Variants in MTMR2 observed in about 807,000 individuals in gnomAD.
The protein encoded by MTMR2 is myotubularin related protein 2, also known as phosphatidylinositol-3,5-bisphosphate 3-phosphatase MTMR2.
In MTMR2, 55 loss-of-function variants were observed where a neutral mutation model predicts 86.9. The ratio of observed to expected loss-of-function variants is 0.63; its 90% CI spans 0.51 to 0.79. The LOEUF is 0.79. Ranked by LOEUF, MTMR2 falls within the 30% of genes least tolerant of loss-of-function variation. The pLI is 0.00. For missense variants in MTMR2, 659 were observed against 772.3 expected, an observed-to-expected ratio of 0.85 and a Z score of 1.74; for synonymous variants, 241 against 266.8, an observed-to-expected ratio of 0.90 and a Z score of 0.94.
intron 2 of MTMR2, among the ~76,000 whole-genome samples, chr11:95,886,653 G>A (rs1865522214): frequency 6.6e-6 from 1 of 152,112 alleles, no homozygotes; most frequent in African/African-American, 2.4e-5. Context: ...GTAGGATATA[G>A]GCATAAGCAA....
intron 2 of MTMR2, among the ~76,000 whole-genome samples, chr11:95,876,395 A>G (rs183612421): frequency 2.6e-5 from 4 of 152,314 alleles, no homozygotes; most frequent in African/African-American, 4.8e-5. Context: ...ATGAGGGAAG[A>G]AAATTCACTC....
At chr11:95,861,522 C>T (rs559268122) in intron 5 of MTMR2, among the ~76,000 whole-genome samples, 1 of 151,756 alleles carries the variant, frequency 6.6e-6, no homozygotes, top group Non-Finnish European at 1.5e-5. Flanking sequence ...CTCCCAGGTT[C>T]AAGCAATTCT....
chr11:95,923,859 T>C lies in MTMR2; in HGVS notation c.80+16A>G. 1.3e-6 allele frequency: 2 copies of C among 1,537,450 alleles called. No individual in the cohort carries two copies. Among genetic ancestry groups the C allele is most frequent in the Non-Finnish European group, 1.8e-6 (2 of 1,137,730 alleles). On this transcript the variant is annotated intron_variant, in intron 1 of 14. Transcript: ENST00000346299. The stretch of plus-strand genomic sequence containing the variant: ...CCCCTTCGGACGCTGGGCGGGGCCC[T>C]GGGCGTCCTGGTTACCTGGACAAGG...
At chr11:95,888,078 A>G (rs1316022834) in intron 2 of MTMR2, 78 bp downstream of exon 2, 3 of 1,079,480 alleles carry the variant, frequency 2.8e-6, no homozygotes, top group Non-Finnish European at 4.2e-6. Flanking sequence ...TCTCCTGCTA[A>G]ATTAGTTATA....
At position 95,910,127 on chromosome 11, in the gene MTMR2, G is replaced by GCACACACA. The variant is rs71040121; in HGVS notation, c.80+13740_80+13747dup. Among the ~76,000 whole-genome samples the GCACACACA allele has an allele frequency of 2.0e-3, 299 of 147,256 alleles. 6 individuals are homozygous for GCACACACA. Among genetic ancestry groups the GCACACACA allele is most frequent in the Non-Finnish European group, 2.3e-3 (151 of 66,868 alleles). On this transcript the variant is annotated intron_variant, in intron 1 of 14. Transcript: ENST00000346299. ...CACACACACACACGCACGCATGCAC[G>GCACACACA]CACACACACACACACACACACCCTA...
In MTMR2 at chr11:95,924,040, CG is replaced by C; in HGVS notation, c.-87del. The C allele has an allele frequency of 1.3e-6, 2 of 1,515,134 alleles. No homozygotes were observed. Among genetic ancestry groups the C allele is most frequent in the Non-Finnish European group, 1.8e-6 (2 of 1,116,350 alleles). 93.9% of individuals were successfully genotyped at this position (1,515,134 alleles called of 1,614,324 possible). ...AAGCGGAGGGCGGAGTGCTACGGAC[CG>C]GGGCCGCAGTCAGGCCAGCGCCGGC... On this transcript the variant is annotated 5_prime_UTR_variant, in exon 1 of 15. Coordinates refer to ENST00000346299, the MANE Select transcript of MTMR2 (RefSeq NM_016156.6).
chr11:95,872,183 T>C lies in MTMR2; in HGVS notation c.187-6507A>G, dbSNP rs1028350492. On this transcript the variant is annotated intron_variant, in intron 2 of 14. Transcript: ENST00000346299. ...AAAGTCATTGGCAGCTTGATGGGGA[T>C]GGCATTGAATCTATAAATTACCTTG... 4.6e-4 allele frequency among the ~76,000 whole-genome samples: 70 copies of C among 152,220 alleles called. 1 individual carries two copies. The highest frequency in any genetic ancestry group is 1.6e-3 in the African/African-American group (68 of 41,454).
intron 1 of MTMR2, among the ~76,000 whole-genome samples, chr11:95,911,956 T>C (rs1288306964): frequency 6.6e-6 from 1 of 152,168 alleles, no homozygotes; most frequent in Non-Finnish European, 1.5e-5. Context: ...TCCAGATAGA[T>C]ATATTTTGTT....
At position 95,849,743 on chromosome 11, in the gene MTMR2, A is replaced by G. The variant is rs1332394042; in HGVS notation, c.924T>C (p.Asp308=). Residue 308 remains aspartate, a synonymous_variant, in exon 9 of 15, where the codon GAT becomes GAC. Coordinates refer to ENST00000346299, the MANE Select transcript of MTMR2 (RefSeq NM_016156.6). ...AGATTTTGTGAGACTGGGCATTGGA[A>G]TCCATGATAGCTTGAAGGTATTTTT... ...EDEKYLQAIM[D]SNAQSHKIFI... is the part of the protein sequence containing the mutation. The G allele has an allele frequency of 1.2e-6, 2 of 1,614,120 alleles. No homozygotes were observed. Among genetic ancestry groups the G allele is most frequent in the African/African-American group, 2.7e-5 (2 of 75,054 alleles).
At chr11:95,923,126 A>G (rs1311856572) in intron 1 of MTMR2, among the ~76,000 whole-genome samples, 1 of 152,214 alleles carries the variant, frequency 6.6e-6, no homozygotes, top group Non-Finnish European at 1.5e-5. Flanking sequence ...AAAGCTGCAT[A>G]AAGTCCTCCT....
intron 1 of MTMR2, among the ~76,000 whole-genome samples, chr11:95,908,146 T>C (rs1008992271): frequency 6.6e-6 from 1 of 151,140 alleles, no homozygotes; most frequent in African/African-American, 2.4e-5. Context: ...TTCAGCAAAG[T>C]TTCAGGATAC....
chr11:95,893,847 T>C (rs1291081319), intron 1 of MTMR2, among the ~76,000 whole-genome samples: 2 of 152,198 alleles, frequency 1.3e-5, no homozygotes, highest in Non-Finnish European at 2.9e-5. Flanking sequence ...TCTGGACTAG[T>C]GCAAATAACT....
intron 1 of MTMR2, among the ~76,000 whole-genome samples, chr11:95,906,703 G>A (rs1232871354): frequency 6.6e-6 from 1 of 152,118 alleles, no homozygotes; most frequent in Admixed American, 6.6e-5. Context: ...GGATCACAGT[G>A]CAATAAAAAT....
chr11:95,874,354 C>T (rs1402005872), intron 2 of MTMR2, among the ~76,000 whole-genome samples: 2 of 152,052 alleles, frequency 1.3e-5, no homozygotes, highest in Non-Finnish European at 2.9e-5. Context: ...ATGTAATGGC[C>T]TCTTTGTGTC....
At chr11:95,841,529 T>C in intron 12 of MTMR2, 88 bp downstream of exon 12, 1 of 917,002 alleles carries the variant, frequency 1.1e-6, no homozygotes, top group South Asian at 1.3e-5. Context: ...CATTTAATGA[T>C]CTATAGGCTA....
chr11:95,881,919 T>C (rs944779303), intron 2 of MTMR2, among the ~76,000 whole-genome samples: 2 of 152,330 alleles, frequency 1.3e-5, no homozygotes, highest in Admixed American at 6.5e-5. Flanking sequence ...TAGTATTTCA[T>C]CATTAAGTAT....
chr11:95,888,723 A>C (rs1865605341), intron 1 of MTMR2, among the ~76,000 whole-genome samples: 1 of 131,984 alleles, frequency 7.6e-6, no homozygotes, highest in Non-Finnish European at 1.5e-5. Context: ...ACACACATAC[A>C]CACACACACA....
chr11:95,901,113 CT>C (rs1412881257), intron 1 of MTMR2, among the ~76,000 whole-genome samples: 14 of 152,138 alleles, frequency 9.2e-5, no homozygotes, highest in African/African-American at 2.2e-4. Context: ...CTCACCTTGC[CT>C]CTGTTCTCTC....
chr11:95,839,543 T>G (rs759139770), intron 12 of MTMR2, among the ~76,000 whole-genome samples: 2 of 152,136 alleles, frequency 1.3e-5, no homozygotes, highest in Non-Finnish European at 2.9e-5. Context: ...TAGCAGGGCA[T>G]TAACTGCAGC....
Sources: gnomAD v4.1 joint callset for allele counts (sites outside exome capture counted in the v4.1 genomes callset) on GRCh38, gnomAD v4.1.1 for gene constraint, MANE v1.5 for transcripts, NCBI Gene and HGNC (gene_info 2026-07-23, HGNC 2026-07-21) for gene names.